The following SNX6 variants were observed in gnomAD, a reference collection of about 807,000 sequenced individuals.
The protein encoded by SNX6 is sorting nexin-6.
A neutral mutation model predicts 63.0 loss-of-function variants in SNX6; 34 were observed. The observed-to-expected ratio is 0.54, with a 90% confidence interval of 0.41 to 0.72. The LOEUF (loss-of-function observed/expected upper bound fraction) is 0.72. Ranked by LOEUF, SNX6 falls within the 30% of genes least tolerant of loss-of-function variation. The probability of loss-of-function intolerance (pLI) is 0.00; values close to 1 mark genes in which losing one functional copy is unlikely to be tolerated. For synonymous variants in SNX6, 170 were observed against 164.2 expected (o/e 1.04, Z -0.27); for missense variants, 398 against 471.4 (o/e 0.84, Z 1.44).
intron 13 of SNX6, among the ~76,000 whole-genome samples, chr14:34,564,381 C>T (rs1881073735): frequency 6.6e-6 from 1 of 152,110 alleles, no homozygotes; most frequent in Non-Finnish European, 1.5e-5. Context: ...TGGTAGTAAC[C>T]ATAGAACACC....
intron 8 of SNX6, among the ~76,000 whole-genome samples, chr14:34,587,673 T>C (rs1882230549): frequency 6.6e-6 from 1 of 151,264 alleles, no homozygotes; most frequent in Admixed American, 6.6e-5. Context: ...ACTCTGTTGC[T>C]CAGGCATGAG....
intron 2 of SNX6, among the ~76,000 whole-genome samples, chr14:34,611,510 G>A (rs1228392829): frequency 2.6e-5 from 4 of 151,400 alleles, no homozygotes; most frequent in Middle Eastern, 3.4e-3. Flanking sequence ...GAGGCCGGGT[G>A]TGGTGGCTCA....
intron 11 of SNX6, chr14:34,568,786 T>A (rs1881308672): frequency 5.2e-6 from 5 of 967,936 alleles, no homozygotes; most frequent in Non-Finnish European, 1.7e-6. Flanking sequence ...TTGGTCCTTT[T>A]CCACCATTTT....
At chr14:34,627,416 G>A (rs899344525) in intron 2 of SNX6, among the ~76,000 whole-genome samples, 2 of 152,010 alleles carry the variant, frequency 1.3e-5, no homozygotes, top group East Asian at 1.9e-4. Context: ...CACTGCAGTC[G>A]GGCCTTCGGC....
At chr14:34,626,992 G>A (rs11620787) in intron 2 of SNX6, among the ~76,000 whole-genome samples, 32,903 of 151,910 alleles carry the variant, frequency 0.22, 3,888 homozygotes, top group African/African-American at 0.3. Context: ...GCTAGTTTCC[G>A]CTATTTTAAA....
At chr14:34,570,885 G>A (rs1476689218) in intron 11 of SNX6, among the ~76,000 whole-genome samples, 3 of 151,224 alleles carry the variant, frequency 2.0e-5, no homozygotes, top group South Asian at 2.1e-4. Flanking sequence ...CACCACGCCC[G>A]GCTAATTTTT....
At chr14:34,574,766 C>T (rs1041701743) in intron 11 of SNX6, among the ~76,000 whole-genome samples, 1 of 151,668 alleles carries the variant, frequency 6.6e-6, no homozygotes, top group African/African-American at 2.4e-5. Context: ...CCATGTTGAT[C>T]AGGCTGGTCT....
intron 13 of SNX6, among the ~76,000 whole-genome samples, chr14:34,566,854 G>A (rs1208572542): frequency 1.3e-5 from 2 of 151,928 alleles, no homozygotes. Context: ...AGGATTAACT[G>A]AGCCCAGGAG....
chr14:34,563,399 A>T (rs1477392165), intron 13 of SNX6, among the ~76,000 whole-genome samples: 1 of 152,068 alleles, frequency 6.6e-6, no homozygotes, highest in African/African-American at 2.4e-5. Flanking sequence ...TCTACTAAAA[A>T]ATACAAAAAA....
intron 2 of SNX6, among the ~76,000 whole-genome samples, chr14:34,623,711 GT>G (rs1883714379): frequency 1.3e-5 from 2 of 152,134 alleles, no homozygotes; most frequent in African/African-American, 4.8e-5. Context: ...TGACTCAGAG[GT>G]TTCTTGCCGG....
At position 34,593,158 on chromosome 14, in the gene SNX6, A is replaced by G. The variant is rs1882466607; in HGVS notation, c.613-8T>C. 3 of 1,533,022 alleles carry G rather than the reference A, an allele frequency of 2.0e-6. No individual in the cohort carries two copies. The highest frequency in any genetic ancestry group is 1.8e-6 in the Non-Finnish European group (2 of 1,130,482). 95.0% of individuals were successfully genotyped at this position (1,533,022 alleles called of 1,614,324 possible). A position where few individuals can be genotyped will look rare whatever the true frequency, so the allele number is the denominator to read the frequency against. The stretch of plus-strand genomic sequence containing the variant: ...AAAGAAATCATCTACATCCTATAAG[A>G]TCAAAAGAAAATATAAACTTTTTTC... On this transcript the variant is annotated splice_polypyrimidine_tract_variant and splice_region_variant and intron_variant, in intron 7 of 13. Transcript: ENST00000362031.
intron 2 of SNX6, among the ~76,000 whole-genome samples, chr14:34,627,228 C>T (rs963864132): frequency 6.6e-6 from 1 of 152,076 alleles, no homozygotes; most frequent in Non-Finnish European, 1.5e-5. Context: ...GGGCGGATCA[C>T]GAGGTCAGGA....
intron 6 of SNX6, among the ~76,000 whole-genome samples, chr14:34,598,035 G>A (rs187568818): frequency 6.6e-6 from 1 of 152,016 alleles, no homozygotes; most frequent in East Asian, 1.9e-4. Context: ...ATTTATTGGG[G>A]CACAATATAC....
At chr14:34,623,428 T>C (rs1465437010) in intron 2 of SNX6, among the ~76,000 whole-genome samples, 4 of 152,128 alleles carry the variant, frequency 2.6e-5, no homozygotes, top group Non-Finnish European at 5.9e-5. Flanking sequence ...CCTAAGGAGT[T>C]TGGACCTTAC....
At chr14:34,629,485 T>G (rs1566498612) in intron 2 of SNX6, 1 of 479,590 alleles carries the variant, frequency 2.1e-6, no homozygotes, top group Non-Finnish European at 4.1e-6. Flanking sequence ...GACAGAAGGG[T>G]GGGCGGGAGC....
chr14:34,569,038 G>T (rs1006705328), intron 11 of SNX6: 6 of 1,425,246 alleles, frequency 4.2e-6, no homozygotes, highest in Non-Finnish European at 5.9e-6. Flanking sequence ...CACCCATTCG[G>T]GGACTTTCAG....
rs1881640195 is a variant in SNX6 at position 34,575,178 on chromosome 14, C to CGA, written c.921+577_921+578insTC. 2.0e-5 allele frequency among the ~76,000 whole-genome samples: 3 copies of CGA among 149,242 alleles called. No individual in the cohort carries two copies. The Admixed American group carries it at 2.0e-4, about 10-fold the overall frequency. On this transcript the variant is annotated intron_variant, in intron 11 of 13. Coordinates refer to ENST00000362031, the MANE Select transcript of SNX6 (RefSeq NM_152233.4). ...AGTGCTGATTAATTAGAGGCATGAG[C>CGA]CACCACCCCTGGCCTCAATTTTTTT... is the stretch of plus-strand genomic sequence containing the variant.
chr14:34,592,428 A>G (rs1226274902), intron 8 of SNX6, among the ~76,000 whole-genome samples: 2 of 152,108 alleles, frequency 1.3e-5, no homozygotes, highest in Non-Finnish European at 2.9e-5. Context: ...AAGAATATAG[A>G]GACTACTCGT....
chr14:34,570,956 C>T (rs1881424911), intron 11 of SNX6, among the ~76,000 whole-genome samples: 1 of 151,236 alleles, frequency 6.6e-6, no homozygotes, highest in Non-Finnish European at 1.5e-5. Flanking sequence ...ATCTCCTGAC[C>T]TCGTGATCCG....
Sources: allele counts gnomAD v4.1 joint callset (sites outside exome capture counted in the v4.1 genomes callset), GRCh38; gene constraint gnomAD v4.1.1; transcripts MANE v1.5; gene names NCBI Gene and HGNC (gene_info 2026-07-23, HGNC 2026-07-21).